Variants in CSGALNACT1 observed in about 807,000 individuals in gnomAD.
CSGALNACT1 encodes the protein chondroitin sulfate N-acetylgalactosaminyltransferase 1, also known as beta4GalNAcT-1.
CSGALNACT1 carries 52 observed loss-of-function variants against 51.0 expected under a neutral mutation model. The ratio of observed to expected loss-of-function variants is 1.02; its 90% CI spans 0.82 to 1.29. The LOEUF (loss-of-function observed/expected upper bound fraction) is 1.29, where lower values mean the gene tolerates loss of function less well. CSGALNACT1 is among the 50% of genes most tolerant of loss of function. The pLI, the probability that CSGALNACT1 is intolerant of heterozygous loss-of-function variation, is 0.00. For synonymous variants in CSGALNACT1, 341 were observed against 254.4 expected, an observed-to-expected ratio of 1.34 and a Z score of -3.24; for missense variants, 935 against 679.2, an observed-to-expected ratio of 1.38 and a Z score of -4.19.
intron 5 of CSGALNACT1, among the ~76,000 whole-genome samples, chr8:19,450,167 AG>A (rs2062877015): frequency 1.4e-5 from 1 of 69,844 alleles, no homozygotes; most frequent in South Asian, 9.4e-4. Context: ...GAGAGGGAGA[AG>A]GGGGAGAGTG....
intron 3 of CSGALNACT1, among the ~76,000 whole-genome samples, chr8:19,508,400 T>C (rs1002859977): frequency 6.6e-6 from 1 of 152,242 alleles, no homozygotes; most frequent in Non-Finnish European, 1.5e-5. Context: ...CCAAGGATTC[T>C]CTCTACTGTA....
chr8:19,514,992 C>T (rs939111058), intron 3 of CSGALNACT1, among the ~76,000 whole-genome samples: 2 of 152,096 alleles, frequency 1.3e-5, no homozygotes, highest in Admixed American at 6.5e-5. Flanking sequence ...TCCAGGTTTC[C>T]AGTAGTTGAT....
chr8:19,531,332 T>C (rs2082725838), intron 3 of CSGALNACT1, among the ~76,000 whole-genome samples: 1 of 152,160 alleles, frequency 6.6e-6, no homozygotes, highest in East Asian at 1.9e-4. Context: ...TCAATGTAAG[T>C]CAAATGGGAT....
At chr8:19,642,018 G>A (rs961004606) in intron 1 of CSGALNACT1, 1 of 152,168 alleles carries the variant, frequency 6.6e-6, no homozygotes, top group Non-Finnish European at 1.5e-5. Context: ...CCTGATGTCT[G>A]TGTCTAACTG....
chr8:19,575,871 T>C (rs1183081354), intron 3 of CSGALNACT1, among the ~76,000 whole-genome samples: 1 of 152,182 alleles, frequency 6.6e-6, no homozygotes, highest in Non-Finnish European at 1.5e-5. Context: ...GATAGGTTCA[T>C]GAGAGTTCAT....
chr8:19,736,049 G>C (rs979552602), intron 1 of CSGALNACT1, among the ~76,000 whole-genome samples: 6 of 151,956 alleles, frequency 3.9e-5, no homozygotes, highest in African/African-American at 1.5e-4. Flanking sequence ...ACACATTTAA[G>C]GCAAAAAAAT....
intron 6 of CSGALNACT1, among the ~76,000 whole-genome samples, chr8:19,426,144 C>T (rs1016151132): frequency 1.4e-4 from 21 of 152,184 alleles, no homozygotes; most frequent in African/African-American, 5.1e-4. Context: ...CCAATATCCA[C>T]TGGACGAATC....
At chr8:19,560,952 C>A (rs2040568751) in intron 3 of CSGALNACT1, among the ~76,000 whole-genome samples, 1 of 152,196 alleles carries the variant, frequency 6.6e-6, no homozygotes, top group South Asian at 2.1e-4. Context: ...CACTATACAG[C>A]AGCAAAATCT....
chr8:19,407,125 C>G (rs1275478476), intron 9 of CSGALNACT1, among the ~76,000 whole-genome samples: 1 of 152,176 alleles, frequency 6.6e-6, no homozygotes, highest in Admixed American at 6.5e-5. Flanking sequence ...CTGCAGGGCA[C>G]CCACCACTCA....
intron 4 of CSGALNACT1, among the ~76,000 whole-genome samples, chr8:19,501,080 T>C (rs1203872412): frequency 6.6e-6 from 1 of 151,306 alleles, no homozygotes; most frequent in Admixed American, 6.6e-5. Flanking sequence ...GGAAAGCCCA[T>C]CTCTACTAAA....
intron 1 of CSGALNACT1, among the ~76,000 whole-genome samples, chr8:19,630,106 T>A (rs975811511): frequency 6.6e-6 from 1 of 151,956 alleles, no homozygotes; most frequent in Non-Finnish European, 1.5e-5. Context: ...ACGGGCCGAA[T>A]GAAGACTTTC....
At chr8:19,469,240 A>T (rs2067492011) in intron 4 of CSGALNACT1, among the ~76,000 whole-genome samples, 1 of 152,066 alleles carries the variant, frequency 6.6e-6, no homozygotes, top group African/African-American at 2.4e-5. Flanking sequence ...AAAATGTAAA[A>T]ATTAGCAGGG....
intron 3 of CSGALNACT1, among the ~76,000 whole-genome samples, chr8:19,522,636 C>T (rs2154031935): frequency 6.6e-6 from 1 of 152,244 alleles, no homozygotes; most frequent in South Asian, 2.1e-4. Flanking sequence ...TTTTTCTGCA[C>T]CAGCAACTTA....
At position 19,553,642 on chromosome 8, in the gene CSGALNACT1, A is replaced by ATACATATATATATATAT. The variant is rs1187875232; in HGVS notation, c.-297+37517_-297+37518insATATATATATATATGTA. ...ATACATATATATATATATATATAAA[A>ATACATATATATATATAT]AAATATGTCAGCCTTTCTATTACTT... On this transcript the variant is annotated intron_variant, in intron 3 of 9. Coordinates refer to ENST00000454498, the Ensembl canonical transcript of CSGALNACT1. Among the ~76,000 whole-genome samples, 23 of 106,794 alleles carry ATACATATATATATATAT rather than the reference A, an allele frequency of 2.2e-4. 1 individual carries two copies. Among genetic ancestry groups the ATACATATATATATATAT allele is most frequent in the African/African-American group, 8.4e-4 (22 of 26,342 alleles). 70.1% of individuals were successfully genotyped at this position (106,794 alleles called of 152,430 possible).
chr8:19,550,346 C>T (rs561258518), intron 3 of CSGALNACT1, among the ~76,000 whole-genome samples: 1 of 152,170 alleles, frequency 6.6e-6, no homozygotes, highest in South Asian at 2.1e-4. Flanking sequence ...GTATCCTCCT[C>T]TGCCATGTTT....
At chr8:19,640,881 G>GT (rs143545818) in intron 1 of CSGALNACT1, among the ~76,000 whole-genome samples, 17,305 of 148,650 alleles carry the variant, frequency 0.12, 1,067 homozygotes, top group Middle Eastern at 0.15. Flanking sequence ...AGTTTTGGTT[G>GT]TTTTTTTTTT....
At chr8:19,724,746 T>C (rs947797905) in intron 1 of CSGALNACT1, among the ~76,000 whole-genome samples, 9 of 152,186 alleles carry the variant, frequency 5.9e-5, no homozygotes, top group Non-Finnish European at 1.3e-4. Context: ...AGAAATCTGT[T>C]CTGCTCAGAT....
chr8:19,741,094 G>T (rs549217965), intron 1 of CSGALNACT1, among the ~76,000 whole-genome samples: 1 of 152,316 alleles, frequency 6.6e-6, no homozygotes, highest in South Asian at 2.1e-4. Context: ...TCCAAGACTG[G>T]GGTGTTGTTC....
chr8:19,600,901 G>T (rs964801011), intron 2 of CSGALNACT1, among the ~76,000 whole-genome samples: 1 of 151,074 alleles, frequency 6.6e-6, no homozygotes, highest in Non-Finnish European at 1.5e-5. Context: ...AAGGTGAAGG[G>T]GGCTTTCTGA....
Sources: allele counts gnomAD v4.1 joint callset (sites outside exome capture counted in the v4.1 genomes callset), GRCh38; gene constraint gnomAD v4.1.1; transcripts MANE v1.5; gene names NCBI Gene and HGNC (gene_info 2026-07-23, HGNC 2026-07-21).